TCERG1: variants seen among roughly 807,000 people sequenced by gnomAD.
The protein encoded by TCERG1 is transcription elongation regulator 1, also known as TATA box binding protein (TBP)-associated factor, RNA polymerase II, S, 150kD.
TCERG1 carries 37 observed loss-of-function variants against 144.7 expected under a neutral mutation model. The observed-to-expected ratio is 0.26, with a 90% CI of 0.20 to 0.34. The LOEUF is 0.34. Among genes scored for constraint, TCERG1 ranks in the 10% least tolerant of loss-of-function variants. The probability of loss-of-function intolerance (pLI) is 1.00; values close to 1 mark genes in which losing one functional copy is unlikely to be tolerated. For synonymous variants in TCERG1, 492 were observed against 458.2 expected (o/e 1.07, Z -0.94); for missense variants, 1,027 against 1,380.7 (o/e 0.74, Z 4.06).
intron 7 of TCERG1, 171 bp downstream of exon 7, chr5:146,469,915 T>A (rs1282670150): frequency 2.1e-6 from 1 of 476,820 alleles, no homozygotes; most frequent in Admixed American, 4.1e-5. Context: ...AAAAACTAGT[T>A]CTACTTACAT....
At chr5:146,503,736 G>T in intron 18 of TCERG1, 88 bp from the exon 19 acceptor site, 2 of 1,475,892 alleles carry the variant, frequency 1.4e-6, no homozygotes, top group East Asian at 4.6e-5. Flanking sequence ...ACTAGATTTG[G>T]AATTTTTTAT....
chr5:146,497,168 T>C (rs752952410), intron 16 of TCERG1, among the ~76,000 whole-genome samples: 1 of 151,652 alleles, frequency 6.6e-6, no homozygotes, highest in African/African-American at 2.4e-5. Context: ...CACCACACTA[T>C]GTTTTTTTGT....
chr5:146,481,371 GTT>G lies in TCERG1; in HGVS notation c.1937+174_1937+175del, dbSNP rs1290331131. ...TCTTTTAACTCTAACTATTTAAATA[GTT>G]TTAAAATTATTATTATAAGAGGGTA... On this transcript the variant is annotated intron_variant, in intron 13 of 22. Coordinates refer to ENST00000679501, the MANE Select transcript of TCERG1 (RefSeq NM_001382548.1). 14 of 182,054 alleles carry G rather than the reference GTT, an allele frequency of 7.7e-5. No homozygotes were observed. The East Asian group carries it at 2.4e-3, about 32-fold the overall frequency. The allele number at this position is 182,054 out of a possible 1,614,324, so 11.3% of individuals were successfully genotyped here.
At position 146,503,941 on chromosome 5, in the gene TCERG1, CGA is replaced by C; in HGVS notation, c.2726_2727del (p.Glu909AlafsTer17). On this transcript the variant is annotated frameshift_variant, in exon 19 of 23. Coordinates refer to ENST00000679501, the MANE Select transcript of TCERG1 (RefSeq NM_001382548.1). LOFTEE classifies it high-confidence loss of function. The stretch of plus-strand genomic sequence containing the variant: ...TTCAGAACAAACAAAAGAAATAGAT[CGA>C]GAGAGAGAGCAGCACAAACGAGAAG... ...ARSEQTKEID[R>X]EREQHKREEA... 4 of 1,611,042 alleles carry C rather than the reference CGA, an allele frequency of 2.5e-6. No individual in the cohort carries two copies. Among genetic ancestry groups the C allele is most frequent in the East Asian group, 2.2e-5 (1 of 44,804 alleles).
intron 3 of TCERG1, 112 bp from the exon 4 acceptor site, chr5:146,458,772 C>A: frequency 7.0e-7 from 1 of 1,419,782 alleles, no homozygotes; most frequent in Non-Finnish European, 9.5e-7. Context: ...AGCCACCACG[C>A]CTGGCCCTAC....
chr5:146,484,077 T>C (rs1198437226), intron 15 of TCERG1, among the ~76,000 whole-genome samples: 1 of 152,174 alleles, frequency 6.6e-6, no homozygotes, highest in Admixed American at 6.5e-5. Flanking sequence ...TTCTTGACCA[T>C]TATGTGTCAG....
chr5:146,463,495 TA>T, intron 4 of TCERG1, 55 bp from the exon 5 acceptor site: 1 of 1,605,208 alleles, frequency 6.2e-7, no homozygotes, highest in Non-Finnish European at 8.5e-7. Context: ...GATGAATGAA[TA>T]TAGTAAAATG....
intron 19 of TCERG1, among the ~76,000 whole-genome samples, chr5:146,505,262 A>G (rs867468805): frequency 6.6e-6 from 1 of 152,026 alleles, no homozygotes; most frequent in Non-Finnish European, 1.5e-5. Flanking sequence ...TTCTCTCCCT[A>G]CCTCTAACAT....
At chr5:146,508,847 G>A (rs1768222660) in intron 21 of TCERG1, among the ~76,000 whole-genome samples, 1 of 152,120 alleles carries the variant, frequency 6.6e-6, no homozygotes, top group Non-Finnish European at 1.5e-5. Context: ...TTGTTGTGAA[G>A]ATTGAAGTAG....
chr5:146,477,721 TGG>T (rs1764981587), intron 9 of TCERG1, among the ~76,000 whole-genome samples: 1 of 131,110 alleles, frequency 7.6e-6, no homozygotes, highest in Non-Finnish European at 1.6e-5. Flanking sequence ...TTTTTGAGAC[TGG>T]GTCTCACTTT....
chr5:146,452,752 G>A (rs987338042), intron 1 of TCERG1, among the ~76,000 whole-genome samples: 5 of 152,086 alleles, frequency 3.3e-5, no homozygotes, highest in Admixed American at 3.3e-4. Context: ...ACCATGCCCG[G>A]CTAATTTTTT....
intron 16 of TCERG1, among the ~76,000 whole-genome samples, chr5:146,496,402 C>T (rs1345854562): frequency 6.6e-6 from 1 of 152,100 alleles, no homozygotes; most frequent in Non-Finnish European, 1.5e-5. Context: ...TCTTACATGT[C>T]CCTGAGACTG....
chr5:146,503,868 C>T lies in TCERG1; in HGVS notation c.2643C>T (p.Arg881=). 3 of 1,609,592 alleles carry T rather than the reference C, an allele frequency of 1.9e-6. No individual in the cohort carries two copies. Among genetic ancestry groups the T allele is most frequent in the East Asian group, 2.2e-5 (1 of 44,822 alleles). Residue 881 remains arginine (R), a synonymous_variant, in exon 19 of 23, where the codon CGC becomes CGT. Transcript: ENST00000679501. ...EKEKELERQA[R]IEASLRERER... is the part of the protein sequence containing the mutation. ...AAAAGGAGCTTGAAAGGCAAGCCCG[C>T]ATTGAGGCAAGCCTTCGAGAACGAG...
In TCERG1 at chr5:146,507,848, G is replaced by GT. The variant is rs757803127; in HGVS notation, c.2962-19dup. 1.3e-6 allele frequency: 2 copies of GT among 1,555,334 alleles called. No individual in the cohort carries two copies. The highest frequency in any genetic ancestry group is 2.3e-5 in the East Asian group (1 of 44,348). On this transcript the variant is annotated intron_variant, in intron 20 of 22. Coordinates refer to ENST00000679501, the MANE Select transcript of TCERG1 (RefSeq NM_001382548.1). The surrounding 1 kb of genome is among the most constrained non-coding windows in gnomAD (Gnocchi z 4.6). The stretch of plus-strand genomic sequence containing the variant: ...CTAAGTAAAAGTGAGTTGTATTTAT[G>GT]TTTTTTATTCATGTCTTTTCAAAGA...
intron 16 of TCERG1, 151 bp downstream of exon 16, chr5:146,493,189 A>AT (rs1341069131): frequency 1.8e-6 from 1 of 570,916 alleles, no homozygotes; most frequent in Non-Finnish European, 3.0e-6. Flanking sequence ...TCTAATCTTT[A>AT]TTTTTTACTA....
intron 12 of TCERG1, among the ~76,000 whole-genome samples, chr5:146,480,845 A>G (rs2150537436): frequency 6.6e-6 from 1 of 152,264 alleles, no homozygotes. Flanking sequence ...GCAACAACAT[A>G]AAAGATATGA....
intron 17 of TCERG1, 191 bp from the exon 18 acceptor site, chr5:146,503,184 T>A (rs1767639803): frequency 2.4e-6 from 1 of 418,850 alleles, no homozygotes; most frequent in Non-Finnish European, 4.1e-6. Flanking sequence ...TTGTCGATGT[T>A]TACATTTCTA....
chr5:146,470,168 A>C (rs1383450033), intron 7 of TCERG1, among the ~76,000 whole-genome samples: 1 of 152,032 alleles, frequency 6.6e-6, no homozygotes, highest in South Asian at 2.1e-4. Context: ...TGCTATTATT[A>C]TTGTTGTTTT....
chr5:146,487,282 T>G (rs1047944888), intron 15 of TCERG1, among the ~76,000 whole-genome samples: 1 of 152,062 alleles, frequency 6.6e-6, no homozygotes, highest in Non-Finnish European at 1.5e-5. Flanking sequence ...TAAGGAAGAT[T>G]ATAAGATACT....
Sources: allele counts gnomAD v4.1 joint callset (sites outside exome capture counted in the v4.1 genomes callset), GRCh38; gene constraint gnomAD v4.1.1; non-coding constraint Gnocchi (gnomAD v3.1); transcripts MANE v1.5; gene names NCBI Gene and HGNC (gene_info 2026-07-23, HGNC 2026-07-21).